RIMS1: variants seen among roughly 807,000 people sequenced by gnomAD.
The protein encoded by RIMS1 is regulating synaptic membrane exocytosis 1.
A neutral mutation model predicts 214.1 loss-of-function variants in RIMS1; 83 were observed. That is an observed-to-expected ratio of 0.39 (90% CI 0.32 to 0.47). RIMS1 has a LOEUF of 0.47. Among genes scored for constraint, RIMS1 ranks in the 20% least tolerant of loss-of-function variants. The pLI is 0.99. For missense variants in RIMS1, 2,050 were observed against 2,161.8 expected, an observed-to-expected ratio of 0.95 and a Z score of 1.03; for synonymous variants, 793 against 786.8, an observed-to-expected ratio of 1.01 and a Z score of -0.13.
At chr6:72,225,566 C>G (rs2059948773) in intron 6 of RIMS1, among the ~76,000 whole-genome samples, 1 of 152,040 alleles carries the variant, frequency 6.6e-6, no homozygotes. Context: ...GTGAACTTGC[C>G]CAGCACAACA....
chr6:72,087,076 C>T (rs1222540061), intron 2 of RIMS1, among the ~76,000 whole-genome samples: 1 of 152,196 alleles, frequency 6.6e-6, no homozygotes, highest in Non-Finnish European at 1.5e-5. Flanking sequence ...CGTTGATTTG[C>T]TGTCCCTGCA....
At chr6:71,995,451 C>CGAGT (rs1554180497) in intron 2 of RIMS1, among the ~76,000 whole-genome samples, 2 of 144,400 alleles carry the variant, frequency 1.4e-5, no homozygotes, top group Admixed American at 1.4e-4. Context: ...TGTAATATGA[C>CGAGT]GTGTGTGTGT....
chr6:72,178,625 T>C (rs1444478709), intron 4 of RIMS1, among the ~76,000 whole-genome samples: 1 of 152,168 alleles, frequency 6.6e-6, no homozygotes, highest in African/African-American at 2.4e-5. Flanking sequence ...GAGGCAGCGA[T>C]GTAAAGTCAC....
At chr6:71,967,055 G>T (rs767854804) in intron 1 of RIMS1, among the ~76,000 whole-genome samples, 7 of 152,152 alleles carry the variant, frequency 4.6e-5, no homozygotes, top group African/African-American at 7.2e-5. Context: ...TTCCAAGTTG[G>T]TGATATTCCA....
intron 30 of RIMS1, among the ~76,000 whole-genome samples, chr6:72,391,352 C>CTTTTTT (rs1344795955): frequency 4.5e-5 from 6 of 134,420 alleles, no homozygotes; most frequent in Admixed American, 7.5e-5. Context: ...GATTCTTTTT[C>CTTTTTT]TTTTTTTTTT....
Position 71,985,125 on chromosome 6 carries a change from C to T in RIMS1, c.245+16062C>T, listed in dbSNP as rs931957268. ...ATGACTGGGCATCATGGCTCATGCTCGTAATCCCAACTCTTTGGGAGGCCA... is the reference window on the plus strand; with the variant it reads ...ATGACTGGGCATCATGGCTCATGCTTGTAATCCCAACTCTTTGGGAGGCCA... On this transcript the variant is annotated intron_variant, in intron 2 of 33. Coordinates refer to ENST00000521978, the MANE Select transcript of RIMS1 (RefSeq NM_014989.7). 7.2e-5 allele frequency among the ~76,000 whole-genome samples: 11 copies of T among 152,260 alleles called. No homozygotes were observed. The South Asian group carries it at 8.3e-4, about 11-fold the overall frequency.
chr6:72,198,416 A>G (rs1230373343), intron 6 of RIMS1, among the ~76,000 whole-genome samples: 5 of 151,992 alleles, frequency 3.3e-5, no homozygotes, highest in Non-Finnish European at 7.4e-5. Flanking sequence ...CAAACATCAT[A>G]TACTCTCACT....
At chr6:72,350,420 T>G (rs184309977) in intron 29 of RIMS1, among the ~76,000 whole-genome samples, 439 of 152,274 alleles carry the variant, frequency 2.9e-3, no homozygotes, top group African/African-American at 0.01. Flanking sequence ...TTTCTGCTGA[T>G]GGCACTGGAG....
intron 29 of RIMS1, among the ~76,000 whole-genome samples, chr6:72,380,711 A>T (rs1288659419): frequency 2.0e-5 from 3 of 151,824 alleles, no homozygotes; most frequent in Non-Finnish European, 4.4e-5. Flanking sequence ...CTTTTTTTTA[A>T]AATTGAGATA....
intron 1 of RIMS1, among the ~76,000 whole-genome samples, chr6:71,922,942 TG>T (rs1174303021): frequency 6.6e-6 from 1 of 152,052 alleles, no homozygotes; most frequent in Non-Finnish European, 1.5e-5. Context: ...ATGCCTAAGG[TG>T]TACATGCTCC....
chr6:72,071,580 C>A (rs1323538401), intron 2 of RIMS1, among the ~76,000 whole-genome samples: 3 of 152,072 alleles, frequency 2.0e-5, no homozygotes, highest in Non-Finnish European at 4.4e-5. Flanking sequence ...ACAATTAGAG[C>A]AATTTAGCTT....
chr6:71,958,634 T>C lies in RIMS1; in HGVS notation c.165-10349T>C, dbSNP rs539722746. On this transcript the variant is annotated intron_variant, in intron 1 of 33. Coordinates refer to ENST00000521978, the MANE Select transcript of RIMS1 (RefSeq NM_014989.7). ...GATTTACCTGACTTAGGAAATAAGA[T>C]ATAATAGGAATTGTGAATTTTTGGT... Among the ~76,000 whole-genome samples, 3 of 152,230 alleles carry C rather than the reference T, an allele frequency of 2.0e-5. No homozygotes were observed. The South Asian group carries it at 6.2e-4, about 32-fold the overall frequency.
intron 1 of RIMS1, among the ~76,000 whole-genome samples, chr6:71,895,941 C>A (rs1212320936): frequency 6.6e-6 from 1 of 152,024 alleles, no homozygotes; most frequent in Non-Finnish European, 1.5e-5. Context: ...AGTAAAGTAA[C>A]CAAATGGCTT....
chr6:71,911,613 A>G (rs1357770969), intron 1 of RIMS1, among the ~76,000 whole-genome samples: 1 of 152,124 alleles, frequency 6.6e-6, no homozygotes, highest in Non-Finnish European at 1.5e-5. Flanking sequence ...TCTTTTCTCC[A>G]TGGATCAACT....
chr6:72,274,454 C>G, intron 23 of RIMS1, 22 bp downstream of exon 23: 1 of 1,583,772 alleles, frequency 6.3e-7, no homozygotes, highest in South Asian at 1.1e-5. Flanking sequence ...CTCCTCCTCA[C>G]AGACAAGTGG....
intron 29 of RIMS1, among the ~76,000 whole-genome samples, chr6:72,382,645 A>T (rs958931144): frequency 2.4e-4 from 36 of 152,146 alleles, no homozygotes; most frequent in African/African-American, 7.7e-4. Flanking sequence ...TAGATAAAAG[A>T]CCCTCCAGTG....
chr6:72,017,517 A>G (rs79323491), intron 2 of RIMS1, among the ~76,000 whole-genome samples: 10,694 of 152,280 alleles, frequency 0.07, 451 homozygotes, highest in Middle Eastern at 0.13. Flanking sequence ...AAAGTAAGGT[A>G]AAAACATTAG....
chr6:72,276,361 A>G (rs936979672), intron 23 of RIMS1, among the ~76,000 whole-genome samples: 1 of 152,234 alleles, frequency 6.6e-6, no homozygotes, highest in Non-Finnish European at 1.5e-5. Context: ...ATGAATATAA[A>G]TGTAAGTTTA....
At chr6:72,143,698 G>A (rs2042357452) in intron 4 of RIMS1, among the ~76,000 whole-genome samples, 1 of 152,216 alleles carries the variant, frequency 6.6e-6, no homozygotes, top group Non-Finnish European at 1.5e-5. Flanking sequence ...TGCCTGTGAA[G>A]ATCAAACTCC....
Sources: gnomAD v4.1 joint callset for allele counts (sites outside exome capture counted in the v4.1 genomes callset) on GRCh38, gnomAD v4.1.1 for gene constraint, MANE v1.5 for transcripts, NCBI Gene and HGNC (gene_info 2026-07-23, HGNC 2026-07-21) for gene names.